The following FDX1 variants were observed in gnomAD, a reference collection of about 807,000 sequenced individuals.
The protein encoded by FDX1 is ferredoxin 1, also known as adrenodoxin, mitochondrial.
A neutral mutation model predicts 14.9 loss-of-function variants in FDX1; 9 were observed. That is an observed-to-expected ratio of 0.60 (90% confidence interval 0.36 to 1.05). The LOEUF is 1.05. FDX1 is among the 50% of genes least tolerant of loss of function. The pLI, the probability that FDX1 is intolerant of heterozygous loss-of-function variation, is 0.01. For missense variants in FDX1, 204 were observed against 237.2 expected (o/e 0.86, Z 0.92); for synonymous variants, 92 against 99.4 (o/e 0.93, Z 0.44).
intron 2 of FDX1, among the ~76,000 whole-genome samples, chr11:110,442,030 A>G (rs2134680001): frequency 6.6e-6 from 1 of 152,326 alleles, no homozygotes; most frequent in South Asian, 2.1e-4. Context: ...AGAGTGTGCA[A>G]ACCTCAAGCC....
In FDX1 at chr11:110,462,101, TTAATAGA is replaced by T. The variant is rs548006200; in HGVS notation, c.441-246_441-240del. Among the ~76,000 whole-genome samples the T allele has an allele frequency of 1.1e-3, 172 of 152,340 alleles. 1 individual carries two copies. Among genetic ancestry groups the T allele is most frequent in the African/African-American group, 4.0e-3 (166 of 41,586 alleles). ...AAAAAGTAGTGGTCTGGTGAAACAG[TTAATAGA>T]TAATAGGAACCAAAGGCTAAAATGA... On this transcript the variant is annotated intron_variant, in intron 3 of 3. Transcript: ENST00000260270.
rs1312994676 is a variant in FDX1 at position 110,429,949 on chromosome 11, C to T, written c.-172C>T. The T allele has an allele frequency of 4.2e-5, 16 of 378,930 alleles. No homozygotes were observed. The East Asian group carries it at 6.8e-4, about 16-fold the overall frequency. 23.5% of individuals were successfully genotyped at this position (378,930 alleles called of 1,614,324 possible). On this transcript the variant is annotated 5_prime_UTR_variant, in exon 1 of 4. In the 5' UTR this introduces an upstream ATG that the reference lacks. Transcript: ENST00000260270. ...GTCTTTATAGGTCACCCGGAAGGCA[C>T]GCGGAACCTCGGCGCGGTGCTTCCA...
In FDX1 at chr11:110,463,697, G is replaced by A. The variant is rs1246463627; in HGVS notation, c.*1229G>A. 6.6e-6 allele frequency: 1 copy of A among 152,134 alleles called. No individual in the cohort carries two copies. Among genetic ancestry groups the A allele is most frequent in the Non-Finnish European group, 1.5e-5 (1 of 68,036 alleles). 9.4% of individuals were successfully genotyped at this position (152,134 alleles called of 1,614,324 possible). On this transcript the variant is annotated 3_prime_UTR_variant, in exon 4 of 4. Transcript: ENST00000260270. ...ACAGCATTGTGTTATGCCCATTGGG[G>A]ACACAGAGGTGAACAAGACAAGGAA... is the stretch of plus-strand genomic sequence containing the variant.
chr11:110,437,803 C>A, intron 2 of FDX1, among the ~76,000 whole-genome samples: 1 of 152,196 alleles, frequency 6.6e-6, no homozygotes, highest in Non-Finnish European at 1.5e-5. Context: ...TCCCTTCCCC[C>A]TCTGGTAGTG....
chr11:110,431,646 A>G (rs1946332593), intron 1 of FDX1, among the ~76,000 whole-genome samples: 1 of 152,224 alleles, frequency 6.6e-6, no homozygotes, highest in Non-Finnish European at 1.5e-5. Context: ...GTTTTGGACA[A>G]CTGAATCAAT....
chr11:110,452,290 A>G (rs1165799864), intron 2 of FDX1, among the ~76,000 whole-genome samples: 1 of 152,124 alleles, frequency 6.6e-6, no homozygotes, highest in Non-Finnish European at 1.5e-5. Flanking sequence ...CTGTTAAGGG[A>G]CTGAAAAGCC....
At chr11:110,441,004 C>G (rs1265806353) in intron 2 of FDX1, among the ~76,000 whole-genome samples, 4 of 152,118 alleles carry the variant, frequency 2.6e-5, no homozygotes, top group African/African-American at 9.7e-5. Flanking sequence ...TTATGCTGTT[C>G]TTGTGACAGT....
At chr11:110,438,343 A>G (rs1317962553) in intron 2 of FDX1, among the ~76,000 whole-genome samples, 1 of 152,152 alleles carries the variant, frequency 6.6e-6, no homozygotes, top group East Asian at 1.9e-4. Context: ...GCAAGATGGT[A>G]TCTCATTGTG....
At chr11:110,436,561 C>G (rs1244889240) in intron 2 of FDX1, among the ~76,000 whole-genome samples, 1 of 151,412 alleles carries the variant, frequency 6.6e-6, no homozygotes, top group East Asian at 1.9e-4. Context: ...TGCAGATTCT[C>G]AGACACTCCT....
chr11:110,460,557 GA>G (rs1946550190), intron 3 of FDX1, among the ~76,000 whole-genome samples: 1 of 152,220 alleles, frequency 6.6e-6, no homozygotes, highest in Admixed American at 6.5e-5. Flanking sequence ...TCTGTGGCCA[GA>G]AGTAAGGGCT....
intron 1 of FDX1, among the ~76,000 whole-genome samples, chr11:110,432,250 G>A (rs1375511211): frequency 1.3e-5 from 2 of 152,116 alleles, no homozygotes; most frequent in African/African-American, 2.4e-5. Flanking sequence ...AGTGATTCAG[G>A]TAGCAAAGAT....
At chr11:110,437,105 C>T (rs1946375055) in intron 2 of FDX1, among the ~76,000 whole-genome samples, 1 of 152,156 alleles carries the variant, frequency 6.6e-6, no homozygotes, top group Non-Finnish European at 1.5e-5. Context: ...AAGTGATCCT[C>T]CTGACTCCGC....
chr11:110,461,531 A>G (rs1466988218), intron 3 of FDX1, among the ~76,000 whole-genome samples: 1 of 149,296 alleles, frequency 6.7e-6, no homozygotes, highest in Non-Finnish European at 1.5e-5. Flanking sequence ...GAAAATAAAC[A>G]CAAAATAAAA....
chr11:110,454,789 C>T (rs1290935656), intron 2 of FDX1, among the ~76,000 whole-genome samples: 2 of 152,030 alleles, frequency 1.3e-5, no homozygotes, highest in Admixed American at 6.6e-5. Flanking sequence ...TATAGTTACT[C>T]TTGAGGAAAC....
rs1316196526 is a variant in FDX1 at position 110,462,760 on chromosome 11, A to G, written c.*292A>G. Reference sequence around the variant, plus strand: ...AGCGACTTTAGCAAAATGTTTTCATATAATCTCATCTGTTTACCTAGAAGA... The same window carrying G: ...AGCGACTTTAGCAAAATGTTTTCATGTAATCTCATCTGTTTACCTAGAAGA... On this transcript the variant is annotated 3_prime_UTR_variant, in exon 4 of 4. Coordinates refer to ENST00000260270, the MANE Select transcript of FDX1 (RefSeq NM_004109.5). The G allele has an allele frequency of 2.6e-5, 6 of 230,810 alleles. No individual in the cohort carries two copies. Among genetic ancestry groups the G allele is most frequent in the African/African-American group, 6.8e-5 (3 of 44,132 alleles). 14.3% of individuals were successfully genotyped at this position (230,810 alleles called of 1,614,324 possible).
chr11:110,448,919 A>C (rs1270280789), intron 2 of FDX1, among the ~76,000 whole-genome samples: 1 of 152,186 alleles, frequency 6.6e-6, no homozygotes, highest in African/African-American at 2.4e-5. Context: ...CTAATAAACA[A>C]ATCCCTGCCA....
At chr11:110,455,046 G>A (rs568807998) in intron 2 of FDX1, among the ~76,000 whole-genome samples, 4 of 152,198 alleles carry the variant, frequency 2.6e-5, no homozygotes, top group East Asian at 1.9e-4. Flanking sequence ...TCACTCTGTC[G>A]CCCAGGCTGG....
chr11:110,453,164 C>T (rs1020902207), intron 2 of FDX1, among the ~76,000 whole-genome samples: 25 of 152,044 alleles, frequency 1.6e-4, no homozygotes, highest in African/African-American at 6.0e-4. Flanking sequence ...TGGTGAAACC[C>T]CGTCTCTGCT....
intron 2 of FDX1, among the ~76,000 whole-genome samples, chr11:110,442,334 A>G (rs1412096768): frequency 1.3e-5 from 2 of 152,200 alleles, no homozygotes; most frequent in Admixed American, 6.5e-5. Flanking sequence ...AGCTTGCATG[A>G]TATGCCTGGA....
Sources: allele counts gnomAD v4.1 joint callset (sites outside exome capture counted in the v4.1 genomes callset), GRCh38; gene constraint gnomAD v4.1.1; transcripts MANE v1.5; gene names NCBI Gene and HGNC (gene_info 2026-07-23, HGNC 2026-07-21).